The following EFHB variants were observed in gnomAD, a reference collection of about 807,000 sequenced individuals.
EFHB encodes EF-hand domain-containing family member B.
Under a neutral mutation model 87.2 loss-of-function variants are expected in EFHB, and 91 were observed. The observed-to-expected ratio is 1.04, with a 90% CI of 0.88 to 1.24. The LOEUF (loss-of-function observed/expected upper bound fraction) is 1.24, where lower values mean the gene tolerates loss of function less well. Among genes scored for constraint, EFHB ranks in the 50% most tolerant of loss-of-function variants. The pLI, the probability that EFHB is intolerant of heterozygous loss-of-function variation, is 0.00. For synonymous variants in EFHB, 325 were observed against 333.6 expected (o/e 0.97, Z 0.28); for missense variants, 1,084 against 998.8 (o/e 1.09, Z -1.15).
upstream of EFHB, chr3:19,934,301 CTCTCTCTCTCTCTCAA>C (rs1259080395): frequency 1.0e-6 from 1 of 985,578 alleles, no homozygotes; most frequent in Admixed American, 4.3e-5. Flanking sequence ...TCTCATTCTT[CTCTCTCTCTCTCTCAA>C]TCTCTCTCTC....
Position 19,884,560 on chromosome 3 carries a change from T to G in EFHB, c.1989A>C (p.Gln663His). 6.2e-7 allele frequency: 1 copy of G among 1,613,992 alleles called. No individual in the cohort carries two copies. The highest frequency in any genetic ancestry group is 1.1e-5 in the South Asian group (1 of 91,082). ...PTEANVEEPE[Q>H]TLLIKPEDIV... ...TATCTTCTGGCTTTATGAGGAGAGT[T>G]TGTTCAGGTTCTTCAACATTAGCCT... Residue 663 changes from glutamine (Q) to histidine (H), a missense_variant, in exon 11 of 13, where the codon CAA becomes CAC. Physicochemically the swap from Gln to His is conservative, Grantham distance 24 (BLOSUM62 0). Transcript: ENST00000295824.
intron 5 of EFHB, 36 bp downstream of exon 5, chr3:19,915,267 T>C: frequency 7.0e-7 from 1 of 1,428,068 alleles, no homozygotes; most frequent in Admixed American, 1.8e-5. Context: ...GAGAGTCCCA[T>C]ATCCTCAGGC....
chr3:19,937,740 A>G (rs902981866), upstream of EFHB, among the ~76,000 whole-genome samples: 9 of 151,902 alleles, frequency 5.9e-5, no homozygotes, highest in African/African-American at 2.2e-4. Context: ...TCACCTTATC[A>G]CTTCTCTCTC....
At chr3:19,935,602 C>A (rs1695993479), upstream of EFHB, among the ~76,000 whole-genome samples, 2 of 152,172 alleles carry the variant, frequency 1.3e-5, no homozygotes, top group South Asian at 4.2e-4. Context: ...ATCCCAGCTA[C>A]TCAGGAGGCT....
chr3:19,888,551 C>T lies in EFHB; in HGVS notation c.1826G>A (p.Cys609Tyr), dbSNP rs1394589220. The change falls in exon 10 of 13, where the codon TGT becomes TAT. Residue 609 changes from cysteine (C) to tyrosine (Y), a missense_variant. Transcript: ENST00000295824. ...DKLLDQLFDYCDVDNDGFINY... is the reference protein window; with the variant it reads ...DKLLDQLFDYYDVDNDGFINY... ...AATGAAGCCATCATTATCCACATCA[C>T]AGTAGTCAAATAGCTGGTCCAGGAG... 4 of 1,596,402 alleles carry T rather than the reference C, an allele frequency of 2.5e-6. No individual in the cohort carries two copies. Among genetic ancestry groups the T allele is most frequent in the African/African-American group, 1.3e-5 (1 of 74,712 alleles).
In EFHB at chr3:19,879,684, C is replaced by T; in HGVS notation, c.2449G>A (p.Val817Ile). The change falls in exon 13 of 13, where the codon GTT becomes ATT. Residue 817 changes from valine to isoleucine, a missense_variant. Physicochemically the swap from Val to Ile is conservative, Grantham distance 29. Coordinates refer to ENST00000295824, the MANE Select transcript of EFHB (RefSeq NM_144715.4). ...TCTGCATGCCGTAGCTCATCTAGAA[C>T]ATTTCTGATGTTCTCAACACAAACT... ...GEVCVENIRNVLDELRHADRI... is the reference protein window; with the variant it reads ...GEVCVENIRNILDELRHADRI... 1.9e-6 allele frequency: 3 copies of T among 1,608,736 alleles called. No individual in the cohort carries two copies. The highest frequency in any genetic ancestry group is 2.5e-6 in the Non-Finnish European group (3 of 1,178,558).
At chr3:19,939,080 T>G (rs1453507365), upstream of EFHB, among the ~76,000 whole-genome samples, 1 of 151,836 alleles carries the variant, frequency 6.6e-6, no homozygotes, top group Non-Finnish European at 1.5e-5. Context: ...CTAATTTTTG[T>G]ACTTTCAGTA....
intron 6 of EFHB, among the ~76,000 whole-genome samples, chr3:19,903,877 T>C (rs1353254754): frequency 5.9e-5 from 9 of 152,214 alleles, no homozygotes; most frequent in Non-Finnish European, 1.0e-4. Flanking sequence ...CTGAGCTGCA[T>C]GATCTTAGGC....
intron 5 of EFHB, among the ~76,000 whole-genome samples, chr3:19,908,600 GAAAGAAAGAAAGAA>G (rs1262883918): frequency 3.5e-4 from 34 of 97,344 alleles, no homozygotes; most frequent in African/African-American, 1.1e-3. Flanking sequence ...GAGAGAGAGA[GAAAGAAAGAAAGAA>G]AGAAAGAAAG....
At chr3:19,896,086 T>C (rs1346648206) in intron 9 of EFHB, among the ~76,000 whole-genome samples, 2 of 152,226 alleles carry the variant, frequency 1.3e-5, no homozygotes, top group East Asian at 3.9e-4. Flanking sequence ...GACTTGGACC[T>C]AGAATGCAGG....
At chr3:19,889,199 C>G (rs746257111) in intron 9 of EFHB, among the ~76,000 whole-genome samples, 1 of 152,152 alleles carries the variant, frequency 6.6e-6, no homozygotes, top group Non-Finnish European at 1.5e-5. Flanking sequence ...AGTACCTACA[C>G]TGAGTATGAA....
intron 1 of EFHB, among the ~76,000 whole-genome samples, chr3:19,945,664 G>A (rs1696257916): frequency 6.6e-6 from 1 of 152,058 alleles, no homozygotes; most frequent in South Asian, 2.1e-4. Flanking sequence ...ACTCCTCCTG[G>A]GATTGTCCCA....
chr3:19,906,232 G>C (rs927986791), intron 5 of EFHB, among the ~76,000 whole-genome samples: 1 of 152,186 alleles, frequency 6.6e-6, no homozygotes, highest in Non-Finnish European at 1.5e-5. Flanking sequence ...CGGAGGCTGA[G>C]GCACGAGAAT....
chr3:19,934,341 C>T, upstream of EFHB: 3 of 1,033,198 alleles, frequency 2.9e-6, no homozygotes, highest in Non-Finnish European at 3.7e-6. Context: ...CCCCTCTTCT[C>T]TCTCCTCTGT....
rs1302842800 is a variant in EFHB at position 19,919,930 on chromosome 3, G to C, written c.899C>G (p.Pro300Arg). ...AAATACTCTTTCTACTCCAGCAGGT[G>C]GATATCTGAAGTTGAAATACTTTTT... ...EAKKYFNFRY[P>R]PAGVERVFYG... The change falls in exon 3 of 13, where the codon CCA becomes CGA. Residue 300 changes from proline (P) to arginine (R), a missense_variant. Coordinates refer to ENST00000295824, the MANE Select transcript of EFHB (RefSeq NM_144715.4). The C allele has an allele frequency of 1.9e-6, 3 of 1,613,720 alleles. No homozygotes were observed. The highest frequency in any genetic ancestry group is 2.5e-6 in the Non-Finnish European group (3 of 1,179,770).
chr3:19,935,761 C>T (rs1014668895), upstream of EFHB, among the ~76,000 whole-genome samples: 2 of 151,740 alleles, frequency 1.3e-5, no homozygotes, highest in African/African-American at 4.8e-5. Flanking sequence ...CCTGTAATCC[C>T]GGCACTTTGG....
intron 9 of EFHB, chr3:19,895,084 AT>A (rs1478108090): frequency 2.0e-5 from 3 of 148,058 alleles, no homozygotes; most frequent in Non-Finnish European, 4.5e-5. Context: ...CATAATTTAT[AT>A]TTATATATCA....
upstream of EFHB, among the ~76,000 whole-genome samples, chr3:19,937,104 G>A (rs1242597748): frequency 1.3e-5 from 2 of 151,750 alleles, no homozygotes; most frequent in East Asian, 1.9e-4. Context: ...GGGAGGCAGA[G>A]GTTGCAGTGA....
intron 6 of EFHB, 45 bp downstream of exon 6, chr3:19,905,575 C>T: frequency 6.4e-7 from 1 of 1,566,062 alleles, no homozygotes. Flanking sequence ...TCTTTAAGTC[C>T]AAATGTCTAA....
Sources: allele counts gnomAD v4.1 joint callset (sites outside exome capture counted in the v4.1 genomes callset), GRCh38; gene constraint gnomAD v4.1.1; transcripts MANE v1.5; gene names NCBI Gene and HGNC (gene_info 2026-07-23, HGNC 2026-07-21).